USP45: variants seen among roughly 807,000 people sequenced by gnomAD.
USP45 encodes ubiquitin carboxyl-terminal hydrolase 45.
USP45 carries 89 observed loss-of-function variants against 95.8 expected under a neutral mutation model. The observed-to-expected ratio is 0.93, with a 90% CI of 0.78 to 1.11. The LOEUF is 1.11. Ranked by LOEUF, USP45 falls within the 50% of genes least tolerant of loss-of-function variation. The probability of loss-of-function intolerance (pLI) is 0.00; values close to 1 mark genes in which losing one functional copy is unlikely to be tolerated. For synonymous variants in USP45, 281 were observed against 316.2 expected (o/e 0.89, Z 1.18); for missense variants, 898 against 942.5 (o/e 0.95, Z 0.62).
chr6:99,435,190 T>C lies in USP45; in HGVS notation c.*526A>G, dbSNP rs1316669703. On this transcript the variant is annotated 3_prime_UTR_variant, in exon 18 of 18. Transcript: ENST00000500704. ...GATTTTAAGTTAAGTGGTACGTGGA[T>C]AAACAATTTTTAATAGTTTTACTTT... 2 of 152,660 alleles carry C rather than the reference T, an allele frequency of 1.3e-5. No homozygotes were observed. Among genetic ancestry groups the C allele is most frequent in the Non-Finnish European group, 2.9e-5 (2 of 68,060 alleles). 9.5% of individuals were successfully genotyped at this position (152,660 alleles called of 1,614,324 possible). A position where few individuals can be genotyped will look rare whatever the true frequency, so the allele number is the denominator to read the frequency against.
chr6:99,454,171 A>G (rs1417173049), intron 13 of USP45, among the ~76,000 whole-genome samples: 2 of 152,134 alleles, frequency 1.3e-5, no homozygotes, highest in African/African-American at 2.4e-5. Flanking sequence ...CTTACAGCCA[A>G]CTGATTTCTG....
At chr6:99,465,258 G>T in intron 11 of USP45, 122 bp from the exon 12 acceptor site, 1 of 648,620 alleles carries the variant, frequency 1.5e-6, no homozygotes, top group Non-Finnish European at 2.5e-6. Flanking sequence ...AACTGTTCCT[G>T]AAAAAAATAG....
chr6:99,434,985 A>C lies in USP45; in HGVS notation c.*731T>G, dbSNP rs1167084780. The C allele has an allele frequency of 6.6e-6, 1 of 152,562 alleles. No individual in the cohort carries two copies. Among genetic ancestry groups the C allele is most frequent in the Non-Finnish European group, 1.5e-5 (1 of 68,012 alleles). The allele number at this position is 152,562 out of a possible 1,614,324, so 9.5% of individuals were successfully genotyped here. A position where few individuals can be genotyped will look rare whatever the true frequency, so the allele number is the denominator to read the frequency against. ...TTCAAAACCTCAAGGTAATAAGCTA[A>C]CCAGCAGATTATTTGTAAACCCACA... On this transcript the variant is annotated 3_prime_UTR_variant, in exon 18 of 18. Coordinates refer to ENST00000500704, the MANE Select transcript of USP45 (RefSeq NM_001346022.3).
rs1779977681 is a variant in USP45, at chr6:99,433,238, A to G, written c.*2478T>C. 6.6e-6 allele frequency: 1 copy of G among 152,636 alleles called. No individual in the cohort carries two copies. The highest frequency in any genetic ancestry group is 2.4e-5 in the African/African-American group (1 of 41,452). 9.5% of individuals were successfully genotyped at this position (152,636 alleles called of 1,614,324 possible). A position where few individuals can be genotyped will look rare whatever the true frequency, so the allele number is the denominator to read the frequency against. On this transcript the variant is annotated 3_prime_UTR_variant, in exon 18 of 18. Transcript: ENST00000500704. The stretch of plus-strand genomic sequence containing the variant: ...AAATGACAATATTGGCACATAATCA[A>G]TATTTTATCATTTTATATTTGGAAA...
intron 8 of USP45, among the ~76,000 whole-genome samples, chr6:99,477,856 A>G (rs1277135184): frequency 1.3e-5 from 2 of 152,198 alleles, no homozygotes; most frequent in Non-Finnish European, 1.5e-5. Flanking sequence ...CCTAGATTAG[A>G]GATGAGGACA....
At position 99,435,994 on chromosome 6, in the gene USP45, C is replaced by T. The variant is rs960963950; in HGVS notation, c.2315-148G>A. 11 of 759,904 alleles carry T rather than the reference C, an allele frequency of 1.4e-5. No homozygotes were observed. The Admixed American group carries it at 2.7e-4, about 19-fold the overall frequency. The allele number at this position is 759,904 out of a possible 1,614,324, so 47.1% of individuals were successfully genotyped here. A position where few individuals can be genotyped will look rare whatever the true frequency, so the allele number is the denominator to read the frequency against. Reference sequence around the variant, plus strand: ...GTTTTTTCTTGGGTTAAGCATTTTCCAAAAAGAACTTTTTTTTTTTTAAAT... The same window carrying T: ...GTTTTTTCTTGGGTTAAGCATTTTCTAAAAAGAACTTTTTTTTTTTTAAAT... On this transcript the variant is annotated intron_variant, in intron 17 of 17. Coordinates refer to ENST00000500704, the MANE Select transcript of USP45 (RefSeq NM_001346022.3).
Position 99,464,603 on chromosome 6 carries a change from C to A in USP45, c.1308+1G>T. 1 of 1,609,460 alleles carries A rather than the reference C, an allele frequency of 6.2e-7. No homozygotes were observed. On this transcript the variant is annotated splice_donor_variant, in intron 13 of 17. Transcript: ENST00000500704. LOFTEE classifies it high-confidence loss of function. Reference sequence around the variant, plus strand: ...CGTCTAACAGATGCTTATGGTCTTACCTTATCTTTAGATGAAGAATGCTTC... The same window carrying A: ...CGTCTAACAGATGCTTATGGTCTTAACTTATCTTTAGATGAAGAATGCTTC...
Position 99,435,859 on chromosome 6 carries a change from AAAG to A in USP45, c.2315-16_2315-14del, listed in dbSNP as rs753968070. The A allele has an allele frequency of 1.2e-5, 20 of 1,600,944 alleles. No homozygotes were observed. The highest frequency in any genetic ancestry group is 1.7e-4 in the Middle Eastern group (1 of 6,026). On this transcript the variant is annotated splice_polypyrimidine_tract_variant and intron_variant, in intron 17 of 17. Transcript: ENST00000500704. ...GCCGCTTTCAAACCTAGCAAAACAA[AAAG>A]AAGTACAATTTTAAAGTAAGTATGC...
chr6:99,503,755 C>T lies in USP45; in HGVS notation c.478+10G>A, dbSNP rs769654934. The T allele has an allele frequency of 1.7e-5, 26 of 1,551,910 alleles. No homozygotes were observed. The highest frequency in any genetic ancestry group is 3.5e-4 in the Middle Eastern group (2 of 5,796). On this transcript the variant is annotated intron_variant, in intron 5 of 17. Transcript: ENST00000500704. ...TTAACACAGATTCCTTTAGTCATCG[C>T]TTAACTTACTTGTTTGTGTTTTAGA...
chr6:99,512,242 G>T (rs1248322083), intron 1 of USP45, among the ~76,000 whole-genome samples: 3 of 152,128 alleles, frequency 2.0e-5, no homozygotes, highest in Non-Finnish European at 2.9e-5. Flanking sequence ...GAGTCACCTT[G>T]AGGGTCTTGT....
chr6:99,484,006 T>TTTTTG (rs1483688291), intron 7 of USP45, among the ~76,000 whole-genome samples: 1 of 130,606 alleles, frequency 7.7e-6, no homozygotes, highest in African/African-American at 2.8e-5. Context: ...TTTCCATAGT[T>TTTTTG]TTTTTTTTTT....
chr6:99,464,454 A>G (rs1318088546), intron 13 of USP45, 150 bp downstream of exon 13: 8 of 669,180 alleles, frequency 1.2e-5, no homozygotes, highest in Non-Finnish European at 1.9e-5. Context: ...ATATATAGTT[A>G]GTATACAAGT....
Position 99,461,500 on chromosome 6 carries a change from CTTTA to C in USP45, c.1308+3100_1308+3103del, listed in dbSNP as rs1026917477. The stretch of plus-strand genomic sequence containing the variant: ...AATTGCACACACTAGTTTTACAGTG[CTTTA>C]TTTAACTGGATTATTTGCCTGTTAT... On this transcript the variant is annotated intron_variant, in intron 13 of 17. Transcript: ENST00000500704. 3 of 985,186 alleles carry C rather than the reference CTTTA, an allele frequency of 3.0e-6. No individual in the cohort carries two copies. In the African/African-American group the frequency reaches 5.2e-5, roughly 17 times the overall value. 61.0% of individuals were successfully genotyped at this position (985,186 alleles called of 1,614,324 possible).
chr6:99,473,803 A>ACACACACACACACACACAC (rs1562370224), intron 9 of USP45, among the ~76,000 whole-genome samples: 6 of 17,176 alleles, frequency 3.5e-4, no homozygotes, highest in South Asian at 2.7e-3. Flanking sequence ...CACACACACA[A>ACACACACACACACACACAC]ATTCACAGAA....
chr6:99,505,499 C>A (rs1798310121), intron 4 of USP45, among the ~76,000 whole-genome samples: 1 of 151,920 alleles, frequency 6.6e-6, no homozygotes, highest in South Asian at 2.1e-4. Context: ...AATACCAACT[C>A]TACTAAAAAT....
intron 8 of USP45, 107 bp from the exon 9 acceptor site, chr6:99,476,337 G>A (rs574937440): frequency 2.1e-5 from 23 of 1,085,952 alleles, no homozygotes; most frequent in East Asian, 1.1e-4. Flanking sequence ...AGCTGGGTGC[G>A]GCAGCCTACG....
intron 9 of USP45, among the ~76,000 whole-genome samples, chr6:99,474,908 A>G (rs1021017163): frequency 1.6e-4 from 25 of 152,350 alleles, no homozygotes; most frequent in African/African-American, 6.0e-4. Flanking sequence ...TAAAGTCAAT[A>G]AAGAGCCTAT....
intron 5 of USP45, among the ~76,000 whole-genome samples, chr6:99,498,206 A>T (rs1016387499): frequency 2.0e-5 from 3 of 152,216 alleles, no homozygotes. Flanking sequence ...TACAAAGCAG[A>T]AACTCAGAGA....
In USP45 at chr6:99,433,236, CAATA is replaced by C. The variant is rs1779976997; in HGVS notation, c.*2476_*2479del. 1 of 152,496 alleles carries C rather than the reference CAATA, an allele frequency of 6.6e-6. No individual in the cohort carries two copies. The highest frequency in any genetic ancestry group is 2.1e-4 in the South Asian group (1 of 4,824). 9.4% of individuals were successfully genotyped at this position (152,496 alleles called of 1,614,324 possible). A position where few individuals can be genotyped will look rare whatever the true frequency, so the allele number is the denominator to read the frequency against. Reference sequence around the variant, plus strand: ...TTAAATGACAATATTGGCACATAATCAATATTTTATCATTTTATATTTGGAAAAA... The same window carrying C: ...TTAAATGACAATATTGGCACATAATCTTTTATCATTTTATATTTGGAAAAA... On this transcript the variant is annotated 3_prime_UTR_variant, in exon 18 of 18. Transcript: ENST00000500704.
Sources: gnomAD v4.1 joint callset for allele counts (sites outside exome capture counted in the v4.1 genomes callset) on GRCh38, gnomAD v4.1.1 for gene constraint, MANE v1.5 for transcripts, NCBI Gene and HGNC (gene_info 2026-07-23, HGNC 2026-07-21) for gene names.